GRM8: variants seen among roughly 807,000 people sequenced by gnomAD.
GRM8 encodes metabotropic glutamate receptor 8.
GRM8 carries 47 observed loss-of-function variants against 87.2 expected under a neutral mutation model. That is an observed-to-expected ratio of 0.54 (90% CI 0.43 to 0.69). The LOEUF is 0.69. Among genes scored for constraint, GRM8 ranks in the 30% least tolerant of loss-of-function variants. GRM8 has a pLI of 0.00. For missense variants in GRM8, 1,019 were observed against 1,139.2 expected, an observed-to-expected ratio of 0.89 and a Z score of 1.52; for synonymous variants, 396 against 404.5, an observed-to-expected ratio of 0.98 and a Z score of 0.25.
intron 3 of GRM8, among the ~76,000 whole-genome samples, chr7:126,991,201 G>C (rs1812624825): frequency 6.6e-6 from 1 of 152,162 alleles, no homozygotes; most frequent in South Asian, 2.1e-4. Context: ...AGAAACCTGA[G>C]ACATGTGAAT....
intron 6 of GRM8, among the ~76,000 whole-genome samples, chr7:126,787,946 A>G (rs896206711): frequency 3.9e-5 from 6 of 152,174 alleles, no homozygotes; most frequent in African/African-American, 1.4e-4. Context: ...GACAAAAAAT[A>G]TCACCTAAAA....
intron 2 of GRM8, among the ~76,000 whole-genome samples, chr7:127,108,007 G>T (rs757418814): frequency 2.0e-5 from 3 of 152,142 alleles, no homozygotes; most frequent in Admixed American, 2.0e-4. Flanking sequence ...CCAGAATAGC[G>T]TGGCCCATTT....
chr7:126,972,072 C>T lies in GRM8; in HGVS notation c.728-67389G>A, dbSNP rs1748918382. ...ACAGGTCCCTAGGCTGAGTAGTGCT[C>T]ATGCTTCTAAAATTTCCACTTCCAA... On this transcript the variant is annotated intron_variant, in intron 3 of 10. Transcript: ENST00000339582. Among the ~76,000 whole-genome samples, 4 of 152,266 alleles carry T rather than the reference C, an allele frequency of 2.6e-5. No homozygotes were observed. The South Asian group carries it at 8.3e-4, about 32-fold the overall frequency.
At chr7:127,006,720 G>A (rs562661813) in intron 3 of GRM8, among the ~76,000 whole-genome samples, 3 of 151,900 alleles carry the variant, frequency 2.0e-5, no homozygotes, top group Non-Finnish European at 4.4e-5. Flanking sequence ...TTCCATTGCT[G>A]GATCCTCCTC....
In GRM8 at chr7:126,562,643, C is replaced by A. The variant is rs144923649; in HGVS notation, c.1495-28756G>T. On this transcript the variant is annotated intron_variant, in intron 8 of 10. Coordinates refer to ENST00000339582, the MANE Select transcript of GRM8 (RefSeq NM_000845.3). The stretch of plus-strand genomic sequence containing the variant: ...GGCGTGGTGGCTCACGCCTGTAATC[C>A]CAGCACTTTGGGAGGCCAAAGGGGG... 5.0e-3 allele frequency among the ~76,000 whole-genome samples: 759 copies of A among 152,196 alleles called. 4 individuals carry two copies. The highest frequency in any genetic ancestry group is 0.012 in the South Asian group (59 of 4,812).
chr7:126,465,624 C>A (rs971013378), intron 9 of GRM8, among the ~76,000 whole-genome samples: 1 of 150,904 alleles, frequency 6.6e-6, no homozygotes, highest in Non-Finnish European at 1.5e-5. Context: ...GTATTCATTC[C>A]TTCTATATAG....
Position 126,609,880 on chromosome 7 carries a change from C to T in GRM8, c.1358-382G>A, listed in dbSNP as rs143528051. On this transcript the variant is annotated intron_variant, in intron 7 of 10. Coordinates refer to ENST00000339582, the MANE Select transcript of GRM8 (RefSeq NM_000845.3). ...GACAGCTATTGTACAATACGAACTA[C>T]AAACAGCAATTCAAAATATGGCAGG... is the stretch of plus-strand genomic sequence containing the variant. Among the ~76,000 whole-genome samples the T allele has an allele frequency of 2.6e-5, 4 of 152,300 alleles. 1 individual carries two copies. In the East Asian group the frequency reaches 7.7e-4, roughly 29 times the overall value.
chr7:127,019,805 T>C (rs1156301808), intron 3 of GRM8, among the ~76,000 whole-genome samples: 1 of 152,100 alleles, frequency 6.6e-6, no homozygotes, highest in East Asian at 1.9e-4. Context: ...ACCCAATCTG[T>C]CTGAGCTTTG....
chr7:126,766,271 T>A (rs546000496), intron 7 of GRM8, among the ~76,000 whole-genome samples: 45 of 152,270 alleles, frequency 3.0e-4, no homozygotes, highest in African/African-American at 1.0e-3. Flanking sequence ...CTTCCAGTGC[T>A]CTGGCTACTT....
chr7:126,556,799 C>G (rs1476232029), intron 8 of GRM8, among the ~76,000 whole-genome samples: 1 of 151,928 alleles, frequency 6.6e-6, no homozygotes, highest in Non-Finnish European at 1.5e-5. Flanking sequence ...TATTTTTGTT[C>G]CAAAAATGCA....
chr7:126,700,084 G>T (rs998439744), intron 7 of GRM8, among the ~76,000 whole-genome samples: 62 of 152,204 alleles, frequency 4.1e-4, no homozygotes, highest in African/African-American at 1.4e-3. Flanking sequence ...AGTTCATAGG[G>T]TTATTTTAAT....
chr7:127,034,335 C>T (rs1394328498), intron 3 of GRM8, among the ~76,000 whole-genome samples: 2 of 152,110 alleles, frequency 1.3e-5, no homozygotes, highest in African/African-American at 4.8e-5. Flanking sequence ...CTTGTAACAA[C>T]CACTATAGGC....
At chr7:126,517,404 C>T (rs1203250050) in intron 9 of GRM8, among the ~76,000 whole-genome samples, 1 of 151,986 alleles carries the variant, frequency 6.6e-6, no homozygotes, top group African/African-American at 2.4e-5. Context: ...TTGTTTTTAT[C>T]CCCATTTTAC....
intron 10 of GRM8, among the ~76,000 whole-genome samples, chr7:126,439,950 T>G (rs974820276): frequency 6.6e-6 from 1 of 151,968 alleles, no homozygotes; most frequent in Non-Finnish European, 1.5e-5. Context: ...AGAAAATATT[T>G]TTTATAGCTG....
intron 7 of GRM8, among the ~76,000 whole-genome samples, chr7:126,760,890 A>G (rs1817520234): frequency 6.6e-6 from 1 of 152,104 alleles, no homozygotes; most frequent in African/African-American, 2.4e-5. Context: ...TTTCTGTCTC[A>G]TTTTCTACTT....
intron 8 of GRM8, among the ~76,000 whole-genome samples, chr7:126,607,068 C>A (rs1443253212): frequency 6.6e-6 from 1 of 152,152 alleles, no homozygotes; most frequent in East Asian, 1.9e-4. Context: ...CTATCTTAGA[C>A]CTTGTCAAAA....
chr7:127,241,656 C>T (rs564287277), intron 2 of GRM8, among the ~76,000 whole-genome samples: 44 of 152,182 alleles, frequency 2.9e-4, no homozygotes, highest in African/African-American at 1.0e-3. Flanking sequence ...AGGATGGTCT[C>T]AATCTCCTGA....
At chr7:127,178,440 C>T (rs574159836) in intron 2 of GRM8, among the ~76,000 whole-genome samples, 2 of 152,240 alleles carry the variant, frequency 1.3e-5, no homozygotes, top group Admixed American at 6.5e-5. Flanking sequence ...GGGGAATAAT[C>T]GAGGAAAATT....
chr7:127,021,132 T>C (rs1422381562), intron 3 of GRM8, among the ~76,000 whole-genome samples: 1 of 152,054 alleles, frequency 6.6e-6, no homozygotes, highest in South Asian at 2.1e-4. Context: ...TTCACAAGTA[T>C]TGCAAATACA....
Sources: allele counts gnomAD v4.1 joint callset (sites outside exome capture counted in the v4.1 genomes callset), GRCh38; gene constraint gnomAD v4.1.1; transcripts MANE v1.5; gene names NCBI Gene and HGNC (gene_info 2026-07-23, HGNC 2026-07-21).